The following IPO11 variants were observed in gnomAD, a reference collection of about 807,000 sequenced individuals.
IPO11 encodes the protein importin 11.
IPO11 carries 66 observed loss-of-function variants against 143.2 expected under a neutral mutation model. That is an observed-to-expected ratio of 0.46 (90% confidence interval 0.38 to 0.57). The LOEUF is 0.57. Ranked by LOEUF, IPO11 falls within the 20% of genes least tolerant of loss-of-function variation. The pLI is 0.00. For missense variants in IPO11, 1,026 were observed against 1,141.0 expected (o/e 0.90, Z 1.45); for synonymous variants, 385 against 377.8 (o/e 1.02, Z -0.22).
rs1448428358 is a variant in IPO11 at position 62,628,523 on chromosome 5, T to A, written c.*1205T>A. ...GGAACCCAAACTGTATGGGGATATT[T>A]GATGTTTTCAGAAAGAGGAAGAAAA... On this transcript the variant is annotated 3_prime_UTR_variant, in exon 30 of 30. Coordinates refer to ENST00000325324, the MANE Select transcript of IPO11 (RefSeq NM_016338.5). 1 of 152,644 alleles carries A rather than the reference T, an allele frequency of 6.6e-6. No individual in the cohort carries two copies. Among genetic ancestry groups the A allele is most frequent in the East Asian group, 1.9e-4 (1 of 5,198 alleles). 9.5% of individuals were successfully genotyped at this position (152,644 alleles called of 1,614,324 possible). A position where few individuals can be genotyped will look rare whatever the true frequency, so the allele number is the denominator to read the frequency against.
At chr5:62,626,412 T>A (rs1342732858) in intron 29 of IPO11, among the ~76,000 whole-genome samples, 2 of 152,164 alleles carry the variant, frequency 1.3e-5, no homozygotes, top group East Asian at 3.8e-4. Flanking sequence ...CTCCAGACTT[T>A]TATTTAGATT....
intron 19 of IPO11, among the ~76,000 whole-genome samples, chr5:62,513,920 C>T (rs1378192585): frequency 4.0e-5 from 6 of 148,930 alleles, no homozygotes; most frequent in African/African-American, 1.2e-4. Flanking sequence ...GACGGGGTCG[C>T]GGCCGGGCCG....
intron 9 of IPO11, among the ~76,000 whole-genome samples, chr5:62,479,919 G>T (rs916864388): frequency 6.6e-6 from 1 of 152,098 alleles, no homozygotes; most frequent in Admixed American, 6.5e-5. Context: ...GTTTTCTTTT[G>T]CTGTACAGAA....
chr5:62,524,292 C>T (rs1742299393), intron 20 of IPO11, among the ~76,000 whole-genome samples: 1 of 152,036 alleles, frequency 6.6e-6, no homozygotes, highest in Admixed American at 6.6e-5. Flanking sequence ...ACTATAATTA[C>T]ATAAGATGTA....
chr5:62,606,480 T>TAAAA lies in IPO11; in HGVS notation c.2763+4655_2763+4658dup, dbSNP rs760722973. On this transcript the variant is annotated intron_variant, in intron 29 of 29. Coordinates refer to ENST00000325324, the MANE Select transcript of IPO11 (RefSeq NM_016338.5). ...TAGACAACAGAACGAGACCCTGTCT[T>TAAAA]AAAAAAAAAAAAAAAAAAAAAAAAA... Among the ~76,000 whole-genome samples, 36 of 56,106 alleles carry TAAAA rather than the reference T, an allele frequency of 6.4e-4. 1 individual carries two copies. Among genetic ancestry groups the TAAAA allele is most frequent in the East Asian group, 3.5e-3 (5 of 1,440 alleles). The allele number at this position is 56,106 out of a possible 152,430, so 36.8% of individuals were successfully genotyped here. A position where few individuals can be genotyped will look rare whatever the true frequency, so the allele number is the denominator to read the frequency against.
intron 2 of IPO11, 123 bp downstream of exon 2, chr5:62,437,540 C>T (rs1431842943): frequency 1.4e-6 from 1 of 703,204 alleles, no homozygotes. Flanking sequence ...CTGCTGATGC[C>T]TTTGCCATTA....
At chr5:62,605,331 G>A (rs941558712) in intron 29 of IPO11, among the ~76,000 whole-genome samples, 2 of 152,138 alleles carry the variant, frequency 1.3e-5, no homozygotes, top group Non-Finnish European at 2.9e-5. Context: ...TTTTCCATAC[G>A]TTTCTGAGAA....
At chr5:62,540,813 T>C (rs927865952) in intron 24 of IPO11, among the ~76,000 whole-genome samples, 1 of 152,254 alleles carries the variant, frequency 6.6e-6, no homozygotes, top group Non-Finnish European at 1.5e-5. Flanking sequence ...ATATAAGAGC[T>C]GGCTGTTTTT....
chr5:62,441,591 C>T (rs1301584895), intron 2 of IPO11, among the ~76,000 whole-genome samples: 1 of 139,958 alleles, frequency 7.1e-6, no homozygotes, highest in Non-Finnish European at 1.5e-5. Flanking sequence ...TCTCTGCTCA[C>T]TGCAACCTCC....
intron 9 of IPO11, among the ~76,000 whole-genome samples, chr5:62,480,155 T>G (rs1010608346): frequency 9.2e-5 from 14 of 152,248 alleles, no homozygotes; most frequent in Admixed American, 7.2e-4. Context: ...GCTTTCTACA[T>G]ATGGCTAGCT....
chr5:62,424,883 T>C (rs1743666714), intron 1 of IPO11, among the ~76,000 whole-genome samples: 1 of 152,208 alleles, frequency 6.6e-6, no homozygotes, highest in African/African-American at 2.4e-5. Context: ...TTTATTATTA[T>C]ATTTTTAAAA....
chr5:62,535,479 A>G (rs1335843592), intron 22 of IPO11, among the ~76,000 whole-genome samples: 1 of 152,172 alleles, frequency 6.6e-6, no homozygotes, highest in East Asian at 1.9e-4. Flanking sequence ...TATCTAATAT[A>G]AAGGCCCCCT....
At chr5:62,584,750 G>T (rs866178069) in intron 27 of IPO11, among the ~76,000 whole-genome samples, 300 of 131,418 alleles carry the variant, frequency 2.3e-3, no homozygotes, top group African/African-American at 3.1e-3. Context: ...TTTTGTTTTT[G>T]TTTTTTTTTT....
intron 26 of IPO11, among the ~76,000 whole-genome samples, chr5:62,552,478 T>G (rs1330700766): frequency 6.6e-6 from 1 of 151,172 alleles, no homozygotes; most frequent in Admixed American, 6.6e-5. Flanking sequence ...TTTTAGTTTT[T>G]TTTTTTTTTT....
intron 16 of IPO11, among the ~76,000 whole-genome samples, chr5:62,500,529 G>T (rs774129709): frequency 2.0e-5 from 3 of 152,094 alleles, no homozygotes; most frequent in Non-Finnish European, 2.9e-5. Context: ...ACAGGGTCTT[G>T]CTGTGTCACC....
chr5:62,436,491 A>G (rs1307447867), intron 1 of IPO11, among the ~76,000 whole-genome samples: 2 of 152,294 alleles, frequency 1.3e-5, no homozygotes, highest in Admixed American at 6.5e-5. Context: ...GTACGTGTAT[A>G]TTGTGAATAA....
chr5:62,547,736 C>T (rs1743253595), intron 24 of IPO11, among the ~76,000 whole-genome samples: 1 of 152,062 alleles, frequency 6.6e-6, no homozygotes, highest in African/African-American at 2.4e-5. Flanking sequence ...CTTGCCACAA[C>T]CCCCTCCTCC....
intron 16 of IPO11, among the ~76,000 whole-genome samples, chr5:62,503,022 A>G (rs373446212): frequency 6.2e-4 from 94 of 151,946 alleles, no homozygotes; most frequent in East Asian, 3.9e-3. Flanking sequence ...ATGGGGTTTC[A>G]CCATGTTGGC....
intron 13 of IPO11, among the ~76,000 whole-genome samples, chr5:62,488,865 T>C (rs892280776): frequency 6.6e-6 from 1 of 152,148 alleles, no homozygotes; most frequent in African/African-American, 2.4e-5. Flanking sequence ...TAGCTGGGCC[T>C]GGTGGTTAGT....
Sources: gnomAD v4.1 joint callset for allele counts (sites outside exome capture counted in the v4.1 genomes callset) on GRCh38, gnomAD v4.1.1 for gene constraint, MANE v1.5 for transcripts, NCBI Gene and HGNC (gene_info 2026-07-23, HGNC 2026-07-21) for gene names.